MARCHF6: variants seen among roughly 807,000 people sequenced by gnomAD.
MARCHF6 encodes the protein membrane associated ring-CH-type finger 6, also known as E3 ubiquitin-protein ligase MARCHF6.
MARCHF6 carries 31 observed loss-of-function variants against 133.7 expected under a neutral mutation model. The ratio of observed to expected loss-of-function variants is 0.23; its 90% confidence interval spans 0.17 to 0.31. The LOEUF (loss-of-function observed/expected upper bound fraction) is 0.31, where lower values mean the gene tolerates loss of function less well. MARCHF6 is among the 10% of genes least tolerant of loss of function. The pLI is 1.00. For synonymous variants in MARCHF6, 395 were observed against 402.5 expected (o/e 0.98, Z 0.22); for missense variants, 723 against 1,121.6 (o/e 0.64, Z 5.08).
rs1282239009 is a variant in MARCHF6 at position 10,434,346 on chromosome 5, CTAGG to C, written c.*664_*667del. On this transcript the variant is annotated 3_prime_UTR_variant, in exon 26 of 26. Coordinates refer to ENST00000274140, the MANE Select transcript of MARCHF6 (RefSeq NM_005885.4). ...TTGTAATATTGTATAGTATCTTGTG[CTAGG>C]TGAGGAAATTATTTTTAATTTTGAT... 6.6e-6 allele frequency: 1 copy of C among 152,436 alleles called. No individual in the cohort carries two copies. Among genetic ancestry groups the C allele is most frequent in the African/African-American group, 2.4e-5 (1 of 41,354 alleles). 9.4% of individuals were successfully genotyped at this position (152,436 alleles called of 1,614,324 possible).
At chr5:10,405,364 A>G (rs1481529080) in intron 15 of MARCHF6, among the ~76,000 whole-genome samples, 194 bp from the exon 16 acceptor site, 1 of 152,042 alleles carries the variant, frequency 6.6e-6, no homozygotes, top group Non-Finnish European at 1.5e-5. Flanking sequence ...AAAGGACATC[A>G]TCAGACACAG....
chr5:10,388,888 T>TA (rs1372894592), intron 5 of MARCHF6, among the ~76,000 whole-genome samples: 1 of 152,168 alleles, frequency 6.6e-6, no homozygotes, highest in East Asian at 1.9e-4. Flanking sequence ...AACAAACAGT[T>TA]AGGATTATTG....
chr5:10,415,601 G>A lies in MARCHF6; in HGVS notation c.2080G>A (p.Val694Met), dbSNP rs1273404663. Residue 694 changes from valine (V) to methionine (M), a missense_variant, in exon 21 of 26, where the codon GTG becomes ATG. Val to Met is a conservative substitution (Grantham distance 21). Transcript: ENST00000274140. ...VCWLTIRAVT[V>M]MVAWMPQGRR... ...CTGGCTAACCATAAGGGCTGTGACGGTGATGGTGGCATGGATGCCTCAGGG... is the reference window on the plus strand; with the variant it reads ...CTGGCTAACCATAAGGGCTGTGACGATGATGGTGGCATGGATGCCTCAGGG... 1 of 1,614,172 alleles carries A rather than the reference G, an allele frequency of 6.2e-7. No individual in the cohort carries two copies. The highest frequency in any genetic ancestry group is 1.1e-5 in the South Asian group (1 of 91,076).
At chr5:10,396,418 C>A (rs1180507446) in intron 9 of MARCHF6, among the ~76,000 whole-genome samples, 1 of 152,050 alleles carries the variant, frequency 6.6e-6, no homozygotes, top group Non-Finnish European at 1.5e-5. Flanking sequence ...AATTTAGGAG[C>A]CCTTAAGGCA....
At chr5:10,405,258 T>A (rs1738812470) in intron 15 of MARCHF6, among the ~76,000 whole-genome samples, 1 of 152,076 alleles carries the variant, frequency 6.6e-6, no homozygotes, top group East Asian at 1.9e-4. Context: ...ATAGTAATGG[T>A]TGTATTTATT....
At chr5:10,360,717 A>G (rs1339914546) in intron 1 of MARCHF6, among the ~76,000 whole-genome samples, 2 of 152,198 alleles carry the variant, frequency 1.3e-5, no homozygotes, top group African/African-American at 2.4e-5. Context: ...TCAGTTGCTT[A>G]TCCTTTTGAT....
At chr5:10,398,085 C>T (rs1461532284) in intron 10 of MARCHF6, among the ~76,000 whole-genome samples, 2 of 152,082 alleles carry the variant, frequency 1.3e-5, no homozygotes, top group African/African-American at 4.8e-5. Flanking sequence ...GTTAGGTGTC[C>T]TATGATTTGT....
intron 1 of MARCHF6, among the ~76,000 whole-genome samples, chr5:10,374,352 T>C (rs1005034394): frequency 3.3e-5 from 5 of 152,204 alleles, no homozygotes; most frequent in African/African-American, 1.2e-4. Flanking sequence ...CTTAACGTGC[T>C]GCCGGGGTCC....
intron 15 of MARCHF6, among the ~76,000 whole-genome samples, chr5:10,405,326 T>C (rs948115864): frequency 5.3e-5 from 8 of 152,034 alleles, no homozygotes; most frequent in Non-Finnish European, 7.4e-5. Flanking sequence ...GTTTTTTTTT[T>C]CCCCCGCCCC....
chr5:10,402,690 G>A, intron 14 of MARCHF6, 83 bp downstream of exon 14: 1 of 1,150,744 alleles, frequency 8.7e-7, no homozygotes, highest in Non-Finnish European at 1.3e-6. Context: ...TCTTTTTAAA[G>A]GAAAGCAAAT....
intron 1 of MARCHF6, among the ~76,000 whole-genome samples, chr5:10,356,269 CAT>C (rs1467085085): frequency 1.3e-5 from 2 of 151,314 alleles, no homozygotes; most frequent in African/African-American, 2.4e-5. Context: ...TATGGCCAAA[CAT>C]AAAACTAAAT....
At chr5:10,362,889 C>T (rs941422563) in intron 1 of MARCHF6, among the ~76,000 whole-genome samples, 1 of 152,062 alleles carries the variant, frequency 6.6e-6, no homozygotes, top group Non-Finnish European at 1.5e-5. Context: ...TCCACACATA[C>T]ATGGACAGTT....
chr5:10,358,831 A>G (rs533680984), intron 1 of MARCHF6, among the ~76,000 whole-genome samples: 2 of 152,326 alleles, frequency 1.3e-5, no homozygotes, highest in African/African-American at 4.8e-5. Context: ...AATATATACA[A>G]ATCTGTCATG....
At position 10,429,912 on chromosome 5, in the gene MARCHF6, A is replaced by C. The variant is rs755607494; in HGVS notation, c.2526A>C (p.Gln842His). The change falls in exon 25 of 26, where the codon CAA (glutamine) becomes CAC (histidine). Residue 842 changes from glutamine to histidine, a missense_variant. Physicochemically the swap from Gln to His is conservative, Grantham distance 24. Around this residue, in one of 4 missense-constraint regions of MARCHF6, gnomAD observed 492 missense variants for 699.5 expected, o/e 0.70. Transcript: ENST00000274140. ...VPLLGVTAEM[Q>H]NLVHRRIYPF... is the part of the protein sequence containing the mutation. ...TTCTAGGTGTTACTGCGGAAATGCA[A>C]AACTTAGTCCATCGGCGGATTTATC... 12 of 1,612,942 alleles carry C rather than the reference A, an allele frequency of 7.4e-6. No individual in the cohort carries two copies. The highest frequency in any genetic ancestry group is 1.3e-5 in the African/African-American group (1 of 74,892).
chr5:10,414,454 A>T lies in MARCHF6; in HGVS notation c.1918A>T (p.Met640Leu). 1 of 1,613,110 alleles carries T rather than the reference A, an allele frequency of 6.2e-7. No individual in the cohort carries two copies. Among genetic ancestry groups the T allele is most frequent in the South Asian group, 1.1e-5 (1 of 91,032 alleles). ...GCAGATATTTCTGTTGATTGTCTTC[A>T]TGTGTATAACATTACTGATTGCCAG... ...PLRIFLLIVF[M>L]CITLLIASLI... Residue 640 changes from methionine (M) to leucine (L), a missense_variant, in exon 20 of 26, where the codon ATG (methionine) becomes TTG (leucine). Transcript: ENST00000274140.
At chr5:10,424,552 C>T (rs778953311) in intron 23 of MARCHF6, among the ~76,000 whole-genome samples, 1 of 152,230 alleles carries the variant, frequency 6.6e-6, no homozygotes, top group African/African-American at 2.4e-5. Flanking sequence ...GTTTTCTATA[C>T]TCCCATGAAT....
Position 10,406,676 on chromosome 5 carries a change from T to A in MARCHF6, c.1453-426T>A, listed in dbSNP as rs1219832707. ...GTGCTGGGATTACCTCACCCAGCCG[T>A]AAATCTAAGTTTTTCTAAAATAAAA... On this transcript the variant is annotated intron_variant, in intron 16 of 25. Transcript: ENST00000274140. 2.0e-5 allele frequency among the ~76,000 whole-genome samples: 3 copies of A among 152,122 alleles called. No homozygotes were observed. In the East Asian group the frequency reaches 5.8e-4, roughly 29 times the overall value.
rs970195415 is a variant in MARCHF6, at chr5:10,394,863, G to A, written c.861+78G>A. On this transcript the variant is annotated intron_variant, in intron 9 of 25. Transcript: ENST00000274140. The stretch of plus-strand genomic sequence containing the variant: ...CACCCAGGCTGGACTGCAGTGGCGT[G>A]ATCTTGGCTCACTGCAACCTCCGTC... 1.6e-5 allele frequency: 14 copies of A among 892,130 alleles called. No individual in the cohort carries two copies. In the African/African-American group the frequency reaches 2.3e-4, roughly 15 times the overall value. The allele number at this position is 892,130 out of a possible 1,614,324, so 55.3% of individuals were successfully genotyped here.
At chr5:10,382,947 A>C (rs770317576) in intron 4 of MARCHF6, among the ~76,000 whole-genome samples, 1 of 152,206 alleles carries the variant, frequency 6.6e-6, no homozygotes, top group Non-Finnish European at 1.5e-5. Context: ...AACCCCCCTA[A>C]TCAATCCAAA....
Sources: gnomAD v4.1 joint callset for allele counts (sites outside exome capture counted in the v4.1 genomes callset) on GRCh38, gnomAD v4.1.1 for gene constraint, gnomAD v4.1.1 regional missense constraint, MANE v1.5 for transcripts, NCBI Gene and HGNC (gene_info 2026-07-23, HGNC 2026-07-21) for gene names.